The following NCF2 variants were observed in gnomAD, a reference collection of about 807,000 sequenced individuals.
NCF2 encodes the protein neutrophil cytosolic factor 2.
A neutral mutation model predicts 70.9 loss-of-function variants in NCF2; 45 were observed. That is an observed-to-expected ratio of 0.63 (90% CI 0.50 to 0.81). The LOEUF (loss-of-function observed/expected upper bound fraction) is 0.81, where lower values mean the gene tolerates loss of function less well. NCF2 is among the 40% of genes least tolerant of loss of function. The probability of loss-of-function intolerance (pLI) is 0.00; values close to 1 mark genes in which losing one functional copy is unlikely to be tolerated. For synonymous variants in NCF2, 203 were observed against 233.6 expected (o/e 0.87, Z 1.19); for missense variants, 522 against 631.6 (o/e 0.83, Z 1.86).
intron 7 of NCF2, chr1:183,567,604 C>A (rs1194519138): frequency 4.9e-5 from 28 of 569,110 alleles, no homozygotes; most frequent in Non-Finnish European, 8.0e-5. Context: ...TGAGGACTTA[C>A]AATCCTTGCC....
At position 183,556,073 on chromosome 1, in the gene NCF2, G is replaced by T; in HGVS notation, c.*45C>A. The T allele has an allele frequency of 6.7e-7, 1 of 1,503,274 alleles. No homozygotes were observed. The highest frequency in any genetic ancestry group is 9.3e-7 in the Non-Finnish European group (1 of 1,079,074). The allele number at this position is 1,503,274 out of a possible 1,614,324, so 93.1% of individuals were successfully genotyped here. On this transcript the variant is annotated 3_prime_UTR_variant, in exon 15 of 15. Coordinates refer to ENST00000367535, the MANE Select transcript of NCF2 (RefSeq NM_000433.4). ...GAAGGGTGCTAAATCTTACAAACAA[G>T]TAATAGGGCTTCATTTTCTTCAGCT... is the stretch of plus-strand genomic sequence containing the variant.
At chr1:183,569,751 G>A (rs1672464414) in intron 6 of NCF2, among the ~76,000 whole-genome samples, 1 of 152,086 alleles carries the variant, frequency 6.6e-6, no homozygotes, top group South Asian at 2.1e-4. Flanking sequence ...ACCACACCCT[G>A]CTAATTTTTG....
At chr1:183,597,317 C>T in the NCF2 span, among the ~76,000 whole-genome samples, 3 of 152,084 alleles carry the variant, frequency 2.0e-5, no homozygotes, top group Non-Finnish European at 4.4e-5. Flanking sequence ...GTGTGTTTCC[C>T]AAGCCAGTGA....
chr1:183,574,057 T>G (rs1672690171), intron 4 of NCF2, among the ~76,000 whole-genome samples: 1 of 152,220 alleles, frequency 6.6e-6, no homozygotes, highest in Admixed American at 6.5e-5. Flanking sequence ...ACCACTGCAC[T>G]CCAGGCTGGG....
intron 2 of NCF2, among the ~76,000 whole-genome samples, chr1:183,585,396 C>T (rs36029527): frequency 2.0e-5 from 3 of 152,112 alleles, no homozygotes; most frequent in South Asian, 2.1e-4. Flanking sequence ...GAGGCCGAGG[C>T]GGGTGGATCA....
chr1:183,570,373 C>T (rs1003419270), intron 6 of NCF2, among the ~76,000 whole-genome samples: 1 of 152,252 alleles, frequency 6.6e-6, no homozygotes, highest in African/African-American at 2.4e-5. Context: ...GCCAGGAGAG[C>T]CCAAACCTCA....
chr1:183,582,822 T>C (rs1673175061), intron 2 of NCF2, among the ~76,000 whole-genome samples: 1 of 152,152 alleles, frequency 6.6e-6, no homozygotes, highest in African/African-American at 2.4e-5. Context: ...CCCTGTGCCT[T>C]TCAGATGACA....
intron 14 of NCF2, 41 bp from the exon 15 acceptor site, chr1:183,556,271 G>A: frequency 6.5e-7 from 1 of 1,542,540 alleles, no homozygotes; most frequent in Non-Finnish European, 9.0e-7. Flanking sequence ...TAAAACCACT[G>A]TAGGAAGATT....
intron 3 of NCF2, among the ~76,000 whole-genome samples, chr1:183,576,630 G>A (rs1419624967): frequency 6.6e-5 from 10 of 152,196 alleles, no homozygotes; most frequent in Admixed American, 3.9e-4. Context: ...GAAGTTGGTC[G>A]AATGGCAGCC....
rs529310799 is a variant in NCF2, at chr1:183,568,680, TA to T, written c.713+461del. On this transcript the variant is annotated intron_variant, in intron 7 of 14. Coordinates refer to ENST00000367535, the MANE Select transcript of NCF2 (RefSeq NM_000433.4). Reference sequence around the variant, plus strand: ...CCACACAGGAAAAAGGACGTCATTCTAGATTCCTGACTCCAGAGAGCTCTGG... The same window carrying T: ...CCACACAGGAAAAAGGACGTCATTCTGATTCCTGACTCCAGAGAGCTCTGG... Among the ~76,000 whole-genome samples, 208 of 150,636 alleles carry T rather than the reference TA, an allele frequency of 1.4e-3. 2 individuals are homozygous for T. The highest frequency in any genetic ancestry group is 4.8e-3 in the African/African-American group (197 of 40,952).
intron 2 of NCF2, among the ~76,000 whole-genome samples, chr1:183,581,761 C>CA (rs1553259083): frequency 1.3e-5 from 2 of 151,924 alleles, no homozygotes; most frequent in African/African-American, 2.4e-5. Flanking sequence ...CTCCGCCTCC[C>CA]GGTTCACGCC....
At chr1:183,568,672 C>A (rs1184123325) in intron 7 of NCF2, among the ~76,000 whole-genome samples, 1 of 150,228 alleles carries the variant, frequency 6.7e-6, no homozygotes, top group South Asian at 2.1e-4. Context: ...GGAAAAAGGA[C>A]GTCATTCTAG....
At chr1:183,582,036 G>A (rs1219584550) in intron 2 of NCF2, among the ~76,000 whole-genome samples, 1 of 152,210 alleles carries the variant, frequency 6.6e-6, no homozygotes, top group Admixed American at 6.5e-5. Flanking sequence ...GTTCCCTGCT[G>A]CAGGCCTCTT....
In NCF2 at chr1:183,556,360, C is replaced by T; in HGVS notation, c.1469-130G>A. ...CTAATTGTGATCAACAGGGAAAAGA[C>T]AGTATTGCAAAGTGGTTTGAGAGTG... On this transcript the variant is annotated intron_variant, in intron 14 of 14. Coordinates refer to ENST00000367535, the MANE Select transcript of NCF2 (RefSeq NM_000433.4). The T allele has an allele frequency of 1.2e-5, 10 of 806,206 alleles. No individual in the cohort carries two copies. In the South Asian group the frequency reaches 1.5e-4, roughly 12 times the overall value. 49.9% of individuals were successfully genotyped at this position (806,206 alleles called of 1,614,324 possible).
intron 13 of NCF2, 70 bp from the exon 14 acceptor site, chr1:183,560,343 A>C: frequency 6.4e-7 from 1 of 1,551,466 alleles, no homozygotes; most frequent in African/African-American, 1.4e-5. Flanking sequence ...CACTAAAGGA[A>C]ACAGCGAAAT....
intron 13 of NCF2, among the ~76,000 whole-genome samples, chr1:183,562,133 C>A (rs1036981388): frequency 6.6e-6 from 1 of 152,016 alleles, no homozygotes; most frequent in African/African-American, 2.4e-5. Context: ...AACAGTGACT[C>A]CTGAGCCTGG....
At chr1:183,557,684 C>T (rs1671852803) in intron 14 of NCF2, among the ~76,000 whole-genome samples, 1 of 152,138 alleles carries the variant, frequency 6.6e-6, no homozygotes, top group African/African-American at 2.4e-5. Flanking sequence ...GGCTTCTCTC[C>T]ATATCTACCC....
intron 14 of NCF2, among the ~76,000 whole-genome samples, 193 bp downstream of exon 14, chr1:183,559,903 C>T (rs1166908177): frequency 1.3e-5 from 2 of 152,144 alleles, no homozygotes; most frequent in Admixed American, 6.6e-5. Flanking sequence ...TTGTTGCTTT[C>T]CTGGCTACTA....
Position 183,560,078 on chromosome 1 carries a change from T to C in NCF2, c.1468+18A>G. 1 of 1,612,890 alleles carries C rather than the reference T, an allele frequency of 6.2e-7. No individual in the cohort carries two copies. The highest frequency in any genetic ancestry group is 1.3e-5 in the African/African-American group (1 of 75,024). On this transcript the variant is annotated intron_variant, in intron 14 of 14. Coordinates refer to ENST00000367535, the MANE Select transcript of NCF2 (RefSeq NM_000433.4). ...CTAACATGTAAATTTGTTTCTATAG[T>C]CTTGGAGTAGCACTTACCCTTTGAT... is the stretch of plus-strand genomic sequence containing the variant.
Sources: allele counts gnomAD v4.1 joint callset (sites outside exome capture counted in the v4.1 genomes callset), GRCh38; gene constraint gnomAD v4.1.1; transcripts MANE v1.5; gene names NCBI Gene and HGNC (gene_info 2026-07-23, HGNC 2026-07-21).